The following PPP1R9A variants were observed in gnomAD, a reference collection of about 807,000 sequenced individuals.
The protein encoded by PPP1R9A is protein phosphatase 1 regulatory subunit 9A, also known as neurabin-1.
In PPP1R9A, 59 loss-of-function variants were observed where a neutral mutation model predicts 141.9. That is an observed-to-expected ratio of 0.42 (90% CI 0.34 to 0.52). The LOEUF is 0.52. PPP1R9A is among the 20% of genes least tolerant of loss of function. The pLI is 0.10. For synonymous variants in PPP1R9A, 500 were observed against 569.7 expected, an observed-to-expected ratio of 0.88 and a Z score of 1.74; for missense variants, 1,444 against 1,611.9, an observed-to-expected ratio of 0.90 and a Z score of 1.78.
rs1490790629 is a variant in PPP1R9A at position 95,179,373 on chromosome 7, TCA to T, written c.1754+17403_1754+17404del. ...AACATTGGCATGCAAGGGACATACC[TCA>T]ATGTAGTAAAAGCCATCTATGACAA... is the stretch of plus-strand genomic sequence containing the variant. On this transcript the variant is annotated intron_variant, in intron 5 of 19. Coordinates refer to ENST00000433360, the MANE Select transcript of PPP1R9A (RefSeq NM_001166160.2). Among the ~76,000 whole-genome samples the T allele has an allele frequency of 3.3e-5, 5 of 152,242 alleles. No homozygotes were observed. The East Asian group carries it at 9.6e-4, about 29-fold the overall frequency.
intron 5 of PPP1R9A, among the ~76,000 whole-genome samples, chr7:95,184,806 T>C (rs1362665064): frequency 6.6e-6 from 1 of 152,198 alleles, no homozygotes; most frequent in Non-Finnish European, 1.5e-5. Context: ...TTTCTTCCTT[T>C]TTATAGCTCA....
At chr7:95,249,995 T>A in intron 9 of PPP1R9A, 31 bp from the exon 10 acceptor site, 1 of 1,529,096 alleles carries the variant, frequency 6.5e-7, no homozygotes, top group Non-Finnish European at 8.8e-7. Context: ...AGTGGCCAAA[T>A]TATCTTTGCC....
At chr7:94,988,794 CTG>C (rs1477427810) in intron 2 of PPP1R9A, among the ~76,000 whole-genome samples, 1 of 151,964 alleles carries the variant, frequency 6.6e-6, no homozygotes, top group Non-Finnish European at 1.5e-5. Flanking sequence ...TATACTTATA[CTG>C]TTTCATATCC....
chr7:95,100,198 T>C (rs989793470), intron 2 of PPP1R9A, among the ~76,000 whole-genome samples: 1 of 152,094 alleles, frequency 6.6e-6, no homozygotes, highest in African/African-American at 2.4e-5. Flanking sequence ...GGTGGGAGGA[T>C]TGTTTGACCC....
intron 12 of PPP1R9A, among the ~76,000 whole-genome samples, chr7:95,259,914 A>T (rs747125025): frequency 9.2e-5 from 14 of 152,080 alleles, no homozygotes; most frequent in African/African-American, 1.4e-4. Flanking sequence ...ATATATATAT[A>T]TTTTTTGCAT....
chr7:95,047,866 G>A (rs1281786988), intron 2 of PPP1R9A, among the ~76,000 whole-genome samples: 1 of 152,158 alleles, frequency 6.6e-6, no homozygotes, highest in Non-Finnish European at 1.5e-5. Flanking sequence ...AAAAATGTAT[G>A]CTGTAGGCTG....
intron 5 of PPP1R9A, among the ~76,000 whole-genome samples, chr7:95,181,307 AATAT>A (rs904729705): frequency 2.4e-4 from 34 of 142,202 alleles, no homozygotes; most frequent in African/African-American, 8.7e-4. Context: ...GAATAGAGAG[AATAT>A]ATATAGAATA....
chr7:95,059,585 T>C (rs1340736210), intron 2 of PPP1R9A, among the ~76,000 whole-genome samples: 3 of 152,220 alleles, frequency 2.0e-5, no homozygotes, highest in Non-Finnish European at 4.4e-5. Flanking sequence ...GCATGAAAGG[T>C]AGTCCTAAAG....
chr7:95,056,867 G>A (rs11979356), intron 2 of PPP1R9A, among the ~76,000 whole-genome samples: 3,179 of 152,012 alleles, frequency 0.021, 114 homozygotes, highest in African/African-American at 0.073. Flanking sequence ...ATTTATGTTT[G>A]GACATTAATT....
intron 2 of PPP1R9A, among the ~76,000 whole-genome samples, chr7:95,049,248 A>G (rs576189744): frequency 5.9e-5 from 9 of 152,268 alleles, no homozygotes; most frequent in African/African-American, 2.2e-4. Flanking sequence ...AGGGATTAAG[A>G]TCAGAAGGAA....
chr7:94,987,643 G>A (rs1215219746), intron 2 of PPP1R9A, among the ~76,000 whole-genome samples: 2 of 152,088 alleles, frequency 1.3e-5, no homozygotes, highest in Non-Finnish European at 2.9e-5. Flanking sequence ...ACCATTGAAA[G>A]GGATATTTAT....
intron 2 of PPP1R9A, among the ~76,000 whole-genome samples, chr7:95,046,959 A>G (rs1423801040): frequency 6.6e-6 from 1 of 152,128 alleles, no homozygotes; most frequent in African/African-American, 2.4e-5. Flanking sequence ...AGCTAAATCT[A>G]TTGCGGTGTT....
chr7:95,252,092 A>T lies in PPP1R9A; in HGVS notation c.2627A>T (p.Asp876Val), dbSNP rs1317191791. The change falls in exon 12 of 20, where the codon GAT becomes GTT. Residue 876 changes from aspartate to valine, a missense_variant. Asp to Val is a radical substitution (Grantham distance 152, BLOSUM62 -3). Coordinates refer to ENST00000433360, the MANE Select transcript of PPP1R9A (RefSeq NM_001166160.2). ...VSKGDTMENL[D>V]GKQTSCQDGL... ...AAAGGGGATACCATGGAGAACTTGG[A>T]TGGCAAGCAGACATCTTGCCAAGAT... The T allele has an allele frequency of 1.9e-6, 3 of 1,606,196 alleles. No individual in the cohort carries two copies. Among genetic ancestry groups the T allele is most frequent in the Admixed American group, 1.7e-5 (1 of 58,028 alleles).
At chr7:95,178,865 T>A (rs910995366) in intron 5 of PPP1R9A, among the ~76,000 whole-genome samples, 2 of 151,968 alleles carry the variant, frequency 1.3e-5, no homozygotes, top group Admixed American at 1.3e-4. Context: ...TAACAAGTAG[T>A]GAGATTGAAA....
chr7:95,101,851 T>G (rs559536460), intron 2 of PPP1R9A, among the ~76,000 whole-genome samples: 1 of 152,328 alleles, frequency 6.6e-6, no homozygotes, highest in East Asian at 1.9e-4. Context: ...GATTTTTACA[T>G]GTATTAATCT....
At chr7:95,117,271 G>A (rs1278499704) in intron 3 of PPP1R9A, among the ~76,000 whole-genome samples, 1 of 152,010 alleles carries the variant, frequency 6.6e-6, no homozygotes, top group Admixed American at 6.6e-5. Context: ...GTGCAGCTGG[G>A]TTCTCGATGG....
intron 5 of PPP1R9A, among the ~76,000 whole-genome samples, chr7:95,163,764 G>C (rs1830771666): frequency 6.6e-6 from 1 of 152,020 alleles, no homozygotes; most frequent in South Asian, 2.1e-4. Context: ...TTTTGAGACA[G>C]AGTCTTGCTC....
chr7:95,060,525 A>G (rs1812091938), intron 2 of PPP1R9A, among the ~76,000 whole-genome samples: 1 of 152,186 alleles, frequency 6.6e-6, no homozygotes, highest in South Asian at 2.1e-4. Context: ...TTTTATGAGT[A>G]GGACTGTAAA....
chr7:95,110,191 T>C (rs535272890), intron 2 of PPP1R9A, among the ~76,000 whole-genome samples: 167 of 152,338 alleles, frequency 1.1e-3, no homozygotes, highest in African/African-American at 3.9e-3. Flanking sequence ...ATATAGAATA[T>C]AGGAATTACT....
Sources: allele counts gnomAD v4.1 joint callset (sites outside exome capture counted in the v4.1 genomes callset), GRCh38; gene constraint gnomAD v4.1.1; transcripts MANE v1.5; gene names NCBI Gene and HGNC (gene_info 2026-07-23, HGNC 2026-07-21).